Variants in KPNA7 observed in about 807,000 individuals in gnomAD.
KPNA7 encodes importin subunit alpha-8.
In KPNA7, 54 loss-of-function variants were observed where a neutral mutation model predicts 53.7. The ratio of observed to expected loss-of-function variants is 1.01; its 90% CI spans 0.81 to 1.26. The LOEUF (loss-of-function observed/expected upper bound fraction) is 1.26, where lower values mean the gene tolerates loss of function less well. Among genes scored for constraint, KPNA7 ranks in the 50% most tolerant of loss-of-function variants. The pLI is 0.00. For synonymous variants in KPNA7, 276 were observed against 259.3 expected (o/e 1.06, Z -0.62); for missense variants, 640 against 644.5 (o/e 0.99, Z 0.07).
chr7:99,148,620 C>G, the KPNA7 span, among the ~76,000 whole-genome samples: 1 of 152,254 alleles, frequency 6.6e-6, no homozygotes, highest in East Asian at 1.9e-4. Flanking sequence ...AAGAGAGGGT[C>G]TCACTCTGTC....
chr7:99,211,761 G>A (rs2150786798), upstream of KPNA7, among the ~76,000 whole-genome samples: 1 of 152,264 alleles, frequency 6.6e-6, no homozygotes, highest in African/African-American at 2.4e-5. Context: ...AGATCCTGGT[G>A]GCTCTGCCTG....
the KPNA7 span, among the ~76,000 whole-genome samples, chr7:99,161,955 T>A: frequency 6.6e-6 from 1 of 151,772 alleles, no homozygotes; most frequent in African/African-American, 2.4e-5. Flanking sequence ...TTATAATGCA[T>A]GCCATTATCA....
At chr7:99,173,508 A>G (rs1798809357), downstream of KPNA7, 2 of 496,312 alleles carry the variant, frequency 4.0e-6, no homozygotes, top group Non-Finnish European at 7.2e-6. Flanking sequence ...AAATGTTCTT[A>G]GGAGATGAAT....
chr7:99,213,659 G>T (rs1472321105), intron 1 of KPNA7, among the ~76,000 whole-genome samples: 5 of 151,894 alleles, frequency 3.3e-5, no homozygotes, highest in Non-Finnish European at 7.4e-5. Flanking sequence ...CACCCAGGTT[G>T]GGGTGCAGTG....
intron 1 of KPNA7, among the ~76,000 whole-genome samples, chr7:99,213,608 T>G (rs748146554): frequency 6.6e-6 from 1 of 151,856 alleles, no homozygotes; most frequent in Non-Finnish European, 1.5e-5. Flanking sequence ...CACACTTCAC[T>G]AATTTTTTAA....
At chr7:99,156,377 A>AT in the KPNA7 span, among the ~76,000 whole-genome samples, 2 of 152,056 alleles carry the variant, frequency 1.3e-5, no homozygotes, top group African/African-American at 4.8e-5. Context: ...TAGGTAATCT[A>AT]TTTTTTGTTT....
chr7:99,147,337 G>A, the KPNA7 span, among the ~76,000 whole-genome samples: 4 of 152,296 alleles, frequency 2.6e-5, no homozygotes, highest in Admixed American at 1.3e-4. Flanking sequence ...TAAAGCCAAC[G>A]TTCAAGTTTG....
chr7:99,184,473 T>C (rs1789470401), intron 8 of KPNA7, among the ~76,000 whole-genome samples: 2 of 152,176 alleles, frequency 1.3e-5, no homozygotes, highest in African/African-American at 4.8e-5. Context: ...TGCTTTGTTG[T>C]TTTTCTATGT....
the KPNA7 span, among the ~76,000 whole-genome samples, chr7:99,168,361 G>A: frequency 1.3e-5 from 2 of 152,176 alleles, no homozygotes; most frequent in Non-Finnish European, 2.9e-5. Context: ...GCACTCTGAG[G>A]GATGTGGGAA....
Position 99,185,039 on chromosome 7 carries a change from G to A in KPNA7, c.1024C>T (p.Gln342Ter). Reference protein sequence around the residue: ...QLLQHNKPSIQKEAAWALSNV... With the variant: ...QLLQHNKPSI ...CTCAGGGCCCAGGCTGCCTCCTTCT[G>A]GATGGAGGGCTTGTTGTGTTGCAGG... The change falls in exon 8 of 11, where the codon CAG becomes TAG. Residue 342 changes from glutamine to a stop codon, truncating the protein, a stop_gained. Transcript: ENST00000327442. LOFTEE classifies it high-confidence loss of function. The A allele has an allele frequency of 6.4e-7, 1 of 1,551,844 alleles. No homozygotes were observed. The highest frequency in any genetic ancestry group is 8.7e-7 in the Non-Finnish European group (1 of 1,147,004).
intron 1 of KPNA7, among the ~76,000 whole-genome samples, chr7:99,217,167 A>C (rs1270342629): frequency 6.6e-6 from 1 of 152,198 alleles, no homozygotes; most frequent in Non-Finnish European, 1.5e-5. Flanking sequence ...GTTAGCTTCC[A>C]ATAACCCCAC....
chr7:99,187,611 T>TG (rs1454826695), intron 7 of KPNA7, among the ~76,000 whole-genome samples: 2 of 144,674 alleles, frequency 1.4e-5, no homozygotes, highest in African/African-American at 5.1e-5. Flanking sequence ...TGGAGAGCAG[T>TG]GGCACGATCT....
Position 99,196,116 on chromosome 7 carries a change from T to C in KPNA7, c.252A>G (p.Pro84=). ...EIIKGVNSSD[P]VLCFQATQTA... ...TCTGGGTGGCCTGGAAACATAGGAC[T>C]GGATCTGAGCTATTCACACCTTTGA... The change falls in exon 4 of 11, where the codon CCA becomes CCG. Residue 84 remains proline (P), a synonymous_variant. Coordinates refer to ENST00000327442, the MANE Select transcript of KPNA7 (RefSeq NM_001145715.3). 6.4e-7 allele frequency: 1 copy of C among 1,551,898 alleles called. No individual in the cohort carries two copies. Among genetic ancestry groups the C allele is most frequent in the Admixed American group, 2.0e-5 (1 of 51,002 alleles).
Position 99,195,092 on chromosome 7 carries a change from C to G in KPNA7, c.531G>C (p.Val177=). ...SSNVAVCEQA[V]WALGNIAGDG... ...CACCGGCTATATTACCAAGAGCCCA[C>G]ACTGCCTGTTCACACACAGCCACGT... is the stretch of plus-strand genomic sequence containing the variant. Residue 177 remains valine (V), a synonymous_variant, in exon 5 of 11, where the codon GTG becomes GTC. Coordinates refer to ENST00000327442, the MANE Select transcript of KPNA7 (RefSeq NM_001145715.3). 1 of 1,551,648 alleles carries G rather than the reference C, an allele frequency of 6.4e-7. No individual in the cohort carries two copies. The highest frequency in any genetic ancestry group is 8.7e-7 in the Non-Finnish European group (1 of 1,146,982).
At chr7:99,199,065 G>GAA (rs67877761) in intron 3 of KPNA7, among the ~76,000 whole-genome samples, 1,227 of 60,838 alleles carry the variant, frequency 0.02, 50 homozygotes, top group African/African-American at 0.061. Flanking sequence ...GCTGCAAACT[G>GAA]AAAAAAAAAA....
chr7:99,203,027 T>C (rs1790626335), intron 3 of KPNA7, 79 bp downstream of exon 3: 1 of 1,482,376 alleles, frequency 6.7e-7, no homozygotes. Flanking sequence ...AAGTTCTGAA[T>C]CTATTAAATA....
rs1201687668 is a variant in KPNA7, at chr7:99,177,943, T to C, written c.1441A>G (p.Ile481Val). ...NRQIGQSALN[I>V]IEKHFGEEED... ...ACCTCACCAAAGTGCTTCTCGATGA[T>C]GTTCAAAGCCGACTGGCCAATTTGA... Residue 481 changes from isoleucine to valine, a missense_variant, in exon 10 of 11, where the codon ATC becomes GTC. Transcript: ENST00000327442. The C allele has an allele frequency of 2.6e-6, 4 of 1,551,922 alleles. No homozygotes were observed. The Admixed American group carries it at 7.8e-5, about 30-fold the overall frequency.
chr7:99,207,142 C>G (rs887225673), intron 2 of KPNA7, among the ~76,000 whole-genome samples: 2 of 152,060 alleles, frequency 1.3e-5, no homozygotes, highest in Non-Finnish European at 2.9e-5. Context: ...TCAAGCAATT[C>G]TCCTGCCTCA....
intron 3 of KPNA7, among the ~76,000 whole-genome samples, chr7:99,200,293 C>T (rs1281171273): frequency 2.0e-5 from 3 of 152,180 alleles, no homozygotes; most frequent in Non-Finnish European, 4.4e-5. Flanking sequence ...CTGCCTCAGC[C>T]TCCCAATGTG....
Sources: allele counts gnomAD v4.1 joint callset (sites outside exome capture counted in the v4.1 genomes callset), GRCh38; gene constraint gnomAD v4.1.1; transcripts MANE v1.5; gene names NCBI Gene and HGNC (gene_info 2026-07-23, HGNC 2026-07-21).